SLC39A11: variants seen among roughly 807,000 people sequenced by gnomAD.
SLC39A11 encodes the protein zinc transporter ZIP11.
A neutral mutation model predicts 36.1 loss-of-function variants in SLC39A11; 33 were observed. That is an observed-to-expected ratio of 0.91 (90% CI 0.69 to 1.22). SLC39A11 has a LOEUF of 1.22. Ranked by LOEUF, SLC39A11 falls within the 50% of genes most tolerant of loss-of-function variation. SLC39A11 has a pLI of 0.00. For synonymous variants in SLC39A11, 166 were observed against 170.3 expected, an observed-to-expected ratio of 0.97 and a Z score of 0.20; for missense variants, 432 against 430.3, an observed-to-expected ratio of 1.00 and a Z score of -0.03.
chr17:72,977,329 C>T (rs2087929310), intron 4 of SLC39A11, among the ~76,000 whole-genome samples: 1 of 152,176 alleles, frequency 6.6e-6, no homozygotes, highest in Non-Finnish European at 1.5e-5. Context: ...GAAGGGACTC[C>T]GAAATCCAGA....
chr17:73,028,820 A>C (rs1488229920), intron 4 of SLC39A11, among the ~76,000 whole-genome samples: 1 of 151,984 alleles, frequency 6.6e-6, no homozygotes, highest in African/African-American at 2.4e-5. Context: ...AAAAAAAAAA[A>C]AAAAAACACT....
At chr17:72,954,727 T>C (rs1049884659) in intron 4 of SLC39A11, among the ~76,000 whole-genome samples, 1 of 152,194 alleles carries the variant, frequency 6.6e-6, no homozygotes, top group African/African-American at 2.4e-5. Context: ...AGTCAGAATA[T>C]GGATGGTGCT....
chr17:72,706,923 T>C (rs964341289), intron 7 of SLC39A11, among the ~76,000 whole-genome samples: 10 of 152,134 alleles, frequency 6.6e-5, no homozygotes, highest in African/African-American at 2.4e-4. Context: ...GATTCCAACG[T>C]GTAGTCAAGG....
At chr17:72,822,099 G>T (rs1007718699) in intron 6 of SLC39A11, 2 of 151,238 alleles carry the variant, frequency 1.3e-5, no homozygotes. Flanking sequence ...CTCCAGGGAG[G>T]CTGAAAATTT....
intron 4 of SLC39A11, among the ~76,000 whole-genome samples, chr17:73,008,161 T>G (rs1206872974): frequency 1.0e-4 from 8 of 77,914 alleles, no homozygotes; most frequent in East Asian, 2.6e-4. Context: ...GTTGTTTTTT[T>G]TTTGTTTTTT....
chr17:72,740,650 A>T (rs909401530), intron 6 of SLC39A11, among the ~76,000 whole-genome samples: 1 of 152,216 alleles, frequency 6.6e-6, no homozygotes, highest in African/African-American at 2.4e-5. Context: ...ACGATATTGC[A>T]CTAAACATGA....
intron 6 of SLC39A11, among the ~76,000 whole-genome samples, chr17:72,825,195 G>A (rs2077966236): frequency 7.1e-6 from 1 of 140,722 alleles, no homozygotes; most frequent in Non-Finnish European, 1.7e-5. Flanking sequence ...CACAACATTG[G>A]GACACTGCTC....
At position 72,763,562 on chromosome 17, in the gene SLC39A11, A is replaced by C. The variant is rs1448913350; in HGVS notation, c.602-26843T>G. On this transcript the variant is annotated intron_variant, in intron 6 of 9. Coordinates refer to ENST00000255559, the MANE Select transcript of SLC39A11 (RefSeq NM_139177.4). Reference sequence around the variant, plus strand: ...TTGTATTTTAGGAAATACTGCCTGAAAGAATTCAAAATAATTAAGAGCTGT... The same window carrying C: ...TTGTATTTTAGGAAATACTGCCTGACAGAATTCAAAATAATTAAGAGCTGT... Among the ~76,000 whole-genome samples the C allele has an allele frequency of 2.0e-5, 3 of 152,348 alleles. No individual in the cohort carries two copies. The East Asian group carries it at 5.8e-4, about 29-fold the overall frequency.
At chr17:72,924,810 T>A (rs1380615707) in intron 5 of SLC39A11, among the ~76,000 whole-genome samples, 2 of 152,060 alleles carry the variant, frequency 1.3e-5, no homozygotes, top group African/African-American at 4.8e-5. Context: ...GAGACCAGCC[T>A]GGCCAACATA....
At chr17:72,796,085 A>G (rs2076886439) in intron 6 of SLC39A11, among the ~76,000 whole-genome samples, 1 of 152,182 alleles carries the variant, frequency 6.6e-6, no homozygotes, top group African/African-American at 2.4e-5. Flanking sequence ...CAGGCCAACC[A>G]GCCTCCATTT....
intron 9 of SLC39A11, 37 bp downstream of exon 9, chr17:72,648,766 T>C (rs767620863): frequency 5.6e-6 from 9 of 1,611,300 alleles, no homozygotes; most frequent in Non-Finnish European, 7.6e-6. Flanking sequence ...CAGCTGGGAC[T>C]GGGACAGGGA....
intron 4 of SLC39A11, among the ~76,000 whole-genome samples, chr17:73,000,439 C>T (rs1031728936): frequency 1.3e-5 from 2 of 152,084 alleles, no homozygotes; most frequent in Non-Finnish European, 2.9e-5. Flanking sequence ...CTTATGTTCC[C>T]GACAAGGATA....
At chr17:72,950,876 G>T (rs771075116) in intron 4 of SLC39A11, among the ~76,000 whole-genome samples, 1 of 152,008 alleles carries the variant, frequency 6.6e-6, no homozygotes, top group African/African-American at 2.4e-5. Flanking sequence ...TGTCATAACT[G>T]GGGGGCTGAG....
At chr17:72,758,109 C>T (rs2075431117) in intron 6 of SLC39A11, among the ~76,000 whole-genome samples, 1 of 152,110 alleles carries the variant, frequency 6.6e-6, no homozygotes, top group Admixed American at 6.5e-5. Flanking sequence ...TGGTTTGGAA[C>T]TCCTGACCTC....
At chr17:72,912,279 C>T (rs1477474963) in intron 5 of SLC39A11, among the ~76,000 whole-genome samples, 1 of 151,882 alleles carries the variant, frequency 6.6e-6, no homozygotes, top group Non-Finnish European at 1.5e-5. Flanking sequence ...ACGATGTCTA[C>T]AGAGGACCTA....
intron 6 of SLC39A11, among the ~76,000 whole-genome samples, chr17:72,815,803 T>C (rs2145462078): frequency 2.0e-5 from 3 of 151,510 alleles, no homozygotes; most frequent in Middle Eastern, 6.8e-3. Flanking sequence ...CCACCTGCAG[T>C]TCCAGCTACT....
rs143304950 is a variant in SLC39A11, at chr17:72,841,192, A to G, written c.601+8442T>C. ...TACATATTGAATACATCAAAGCTTC[A>G]GTATGTGTTATAACATTGGGCCCCC... On this transcript the variant is annotated intron_variant, in intron 6 of 9. Transcript: ENST00000255559. Among the ~76,000 whole-genome samples, 255 of 152,384 alleles carry G rather than the reference A, an allele frequency of 1.7e-3. 1 individual carries two copies. Among genetic ancestry groups the G allele is most frequent in the African/African-American group, 5.9e-3 (245 of 41,592 alleles).
intron 6 of SLC39A11, among the ~76,000 whole-genome samples, chr17:72,771,886 G>T (rs2075959798): frequency 6.6e-6 from 1 of 152,194 alleles, no homozygotes; most frequent in East Asian, 1.9e-4. Context: ...TTGGGGTGGG[G>T]AAGGAAGGGC....
chr17:72,703,555 G>A (rs1467276337), intron 7 of SLC39A11, among the ~76,000 whole-genome samples: 2 of 152,142 alleles, frequency 1.3e-5, no homozygotes, highest in South Asian at 2.1e-4. Context: ...CAATATGCCC[G>A]TGAAACACAC....
Sources: allele counts gnomAD v4.1 joint callset (sites outside exome capture counted in the v4.1 genomes callset), GRCh38; gene constraint gnomAD v4.1.1; transcripts MANE v1.5; gene names NCBI Gene and HGNC (gene_info 2026-07-23, HGNC 2026-07-21).